The following IL1RAPL1 variants were observed in gnomAD, a reference collection of about 807,000 sequenced individuals.
IL1RAPL1 encodes the protein interleukin-1 receptor accessory protein-like 1.
Under a neutral mutation model 48.4 loss-of-function variants are expected in IL1RAPL1, and 3 were observed. The observed-to-expected ratio is 0.06, with a 90% CI of 0.03 to 0.16. The LOEUF (loss-of-function observed/expected upper bound fraction) is 0.16. Ranked by LOEUF, IL1RAPL1 falls within the 10% of genes least tolerant of loss-of-function variation. IL1RAPL1 has a pLI of 1.00. For synonymous variants in IL1RAPL1, 185 were observed against 187.7 expected, an observed-to-expected ratio of 0.99 and a Z score of 0.12; for missense variants, 349 against 530.6, an observed-to-expected ratio of 0.66 and a Z score of 3.36.
At chrX:28,770,999 T>C (rs1463675150) in intron 1 of IL1RAPL1, among the ~76,000 whole-genome samples, 3 of 112,040 alleles carry the variant, frequency 2.7e-5, no homozygotes, top group African/African-American at 9.7e-5. Context: ...GGGTAGTATT[T>C]TACATCACAG....
chrX:29,788,789 C>T (rs1929562756), intron 6 of IL1RAPL1, among the ~76,000 whole-genome samples: 1 of 111,652 alleles, frequency 9.0e-6, no homozygotes, highest in African/African-American at 3.3e-5. Context: ...TCAACCTCTA[C>T]CTATCCATAC....
At position 28,626,594 on chromosome X, in the gene IL1RAPL1, C is replaced by T. The variant is rs766971721; in HGVS notation, c.-25+38547C>T. ...AAAGGGGCAAATCAGAACAGTACTA[C>T]TCTACTGAGTGTCAAATTTAATTGT... On this transcript the variant is annotated intron_variant, in intron 1 of 10. Coordinates refer to ENST00000378993, the MANE Select transcript of IL1RAPL1 (RefSeq NM_014271.4). 2.7e-5 allele frequency among the ~76,000 whole-genome samples: 3 copies of T among 112,480 alleles called. No individual in the cohort carries two copies. In the East Asian group the frequency reaches 8.5e-4, roughly 32 times the overall value.
At chrX:29,677,811 A>G (rs1463235428) in intron 6 of IL1RAPL1, among the ~76,000 whole-genome samples, 1 of 112,326 alleles carries the variant, frequency 8.9e-6, no homozygotes, top group Admixed American at 9.5e-5. Context: ...CTTTGAAAAT[A>G]TATTTTGTAG....
chrX:29,148,596 A>G (rs898397224), intron 2 of IL1RAPL1, among the ~76,000 whole-genome samples: 1 of 112,195 alleles, frequency 8.9e-6, no homozygotes, highest in East Asian at 2.8e-4. Flanking sequence ...TATTCTTTAT[A>G]AAGTCTCTGA....
chrX:29,218,017 C>A (rs776856304), intron 2 of IL1RAPL1, among the ~76,000 whole-genome samples: 93 of 111,424 alleles, frequency 8.3e-4, no homozygotes, highest in African/African-American at 3.0e-3. Flanking sequence ...GGTTATAATT[C>A]TTTAAAGACA....
At chrX:28,660,719 G>A (rs1469056226) in intron 1 of IL1RAPL1, among the ~76,000 whole-genome samples, 1 of 111,469 alleles carries the variant, frequency 9.0e-6, no homozygotes, top group Non-Finnish European at 1.9e-5. Context: ...CTAACTATTT[G>A]AGTAAATGTC....
At chrX:29,120,815 C>G (rs1417249886) in intron 2 of IL1RAPL1, among the ~76,000 whole-genome samples, 1 of 111,556 alleles carries the variant, frequency 9.0e-6, no homozygotes, top group Non-Finnish European at 1.9e-5. Flanking sequence ...CAATTTCTCT[C>G]AAGAACATAG....
intron 5 of IL1RAPL1, among the ~76,000 whole-genome samples, chrX:29,430,827 C>A (rs1934413911): frequency 9.1e-6 from 1 of 109,719 alleles, no homozygotes. Flanking sequence ...AAAAAGAGAT[C>A]AGAAGAGAAA....
intron 1 of IL1RAPL1, among the ~76,000 whole-genome samples, chrX:28,712,013 C>T (rs1935447518): frequency 1.8e-5 from 2 of 110,903 alleles, no homozygotes; most frequent in Admixed American, 1.9e-4. Context: ...CCTAAAGAGG[C>T]AGGTACCTGC....
intron 2 of IL1RAPL1, among the ~76,000 whole-genome samples, chrX:29,185,623 A>C (rs1044090020): frequency 8.9e-6 from 1 of 111,894 alleles, no homozygotes; most frequent in African/African-American, 3.2e-5. Flanking sequence ...GAGGCACTCT[A>C]TGAGTGCTGT....
intron 1 of IL1RAPL1, among the ~76,000 whole-genome samples, chrX:28,632,504 G>A (rs1934411374): frequency 9.0e-6 from 1 of 111,234 alleles, no homozygotes; most frequent in African/African-American, 3.3e-5. Context: ...TCCTAGAAGG[G>A]GGCTTTTAAA....
chrX:28,769,446 T>TGGAAGGG (rs1936287304), intron 1 of IL1RAPL1, among the ~76,000 whole-genome samples: 1 of 110,907 alleles, frequency 9.0e-6, no homozygotes, highest in African/African-American at 3.3e-5. Context: ...CATGCACATA[T>TGGAAGGG]GGAAGGGATT....
At chrX:28,937,086 C>A (rs967896355) in intron 2 of IL1RAPL1, among the ~76,000 whole-genome samples, 5 of 111,092 alleles carry the variant, frequency 4.5e-5, no homozygotes, top group African/African-American at 1.6e-4. Flanking sequence ...TTGAAGATTG[C>A]CAGTTTACCT....
At chrX:28,775,036 A>T (rs967388587) in intron 1 of IL1RAPL1, among the ~76,000 whole-genome samples, 5 of 112,119 alleles carry the variant, frequency 4.5e-5, no homozygotes, top group Admixed American at 2.8e-4. Context: ...AGATGATATA[A>T]ATTCTTGTCT....
intron 3 of IL1RAPL1, among the ~76,000 whole-genome samples, chrX:29,359,997 A>G: frequency 9.0e-6 from 1 of 110,725 alleles, no homozygotes; most frequent in African/African-American, 3.3e-5. Context: ...GGAACTCCAA[A>G]TGCTATTCTC....
chrX:29,217,741 A>C (rs1930897575), intron 2 of IL1RAPL1, among the ~76,000 whole-genome samples: 1 of 102,785 alleles, frequency 9.7e-6, no homozygotes, highest in African/African-American at 3.6e-5. Context: ...ATCTATATTA[A>C]AATTTATACA....
At chrX:29,182,610 G>T (rs142526354) in intron 2 of IL1RAPL1, among the ~76,000 whole-genome samples, 3,043 of 105,477 alleles carry the variant, frequency 0.029, 129 homozygotes, top group African/African-American at 0.099. Flanking sequence ...AATGTCTAAA[G>T]AGGCATCCCA....
intron 1 of IL1RAPL1, among the ~76,000 whole-genome samples, chrX:28,596,699 A>C (rs1043716850): frequency 1.8e-5 from 2 of 112,102 alleles, no homozygotes; most frequent in Non-Finnish European, 3.8e-5. Flanking sequence ...TCTGAAGATT[A>C]CTTATACCTA....
intron 3 of IL1RAPL1, among the ~76,000 whole-genome samples, chrX:29,329,831 CA>C (rs1932870237): frequency 1.0e-5 from 1 of 99,389 alleles, no homozygotes; most frequent in Non-Finnish European, 2.0e-5. Context: ...AAAAAAAAAA[CA>C]ACTACTGATA....
Sources: allele counts gnomAD v4.1 joint callset (sites outside exome capture counted in the v4.1 genomes callset), GRCh38; gene constraint gnomAD v4.1.1; transcripts MANE v1.5; gene names NCBI Gene and HGNC (gene_info 2026-07-23, HGNC 2026-07-21).